ROBO2: variants seen among roughly 807,000 people sequenced by gnomAD.
ROBO2 encodes roundabout homolog 2.
ROBO2 carries 53 observed loss-of-function variants against 160.8 expected under a neutral mutation model. That is an observed-to-expected ratio of 0.33 (90% confidence interval 0.26 to 0.41). ROBO2 has a LOEUF of 0.41. Among genes scored for constraint, ROBO2 ranks in the 10% least tolerant of loss-of-function variants. ROBO2 has a pLI of 1.00. For missense variants in ROBO2, 1,577 were observed against 1,722.4 expected, an observed-to-expected ratio of 0.92 and a Z score of 1.49; for synonymous variants, 664 against 611.7, an observed-to-expected ratio of 1.09 and a Z score of -1.26.
At chr3:77,278,918 G>A (rs371216273) in intron 2 of ROBO2, among the ~76,000 whole-genome samples, 10 of 151,968 alleles carry the variant, frequency 6.6e-5, no homozygotes, top group African/African-American at 1.9e-4. Context: ...TGTTCTAATC[G>A]TAATCATGGT....
chr3:76,220,076 G>T (rs1373911195), intron 2 of ROBO2, among the ~76,000 whole-genome samples: 1 of 150,176 alleles, frequency 6.7e-6, no homozygotes, highest in African/African-American at 2.4e-5. Flanking sequence ...CTATGGCAAG[G>T]ACAAAAAACC....
intron 2 of ROBO2, among the ~76,000 whole-genome samples, chr3:77,429,668 G>T (rs1337845785): frequency 6.6e-6 from 1 of 150,994 alleles, no homozygotes; most frequent in Non-Finnish European, 1.5e-5. Flanking sequence ...ATACTGAAAA[G>T]GAAATTCATG....
At chr3:76,959,669 T>A (rs1414838402) in intron 2 of ROBO2, among the ~76,000 whole-genome samples, 2 of 152,156 alleles carry the variant, frequency 1.3e-5, no homozygotes, top group Non-Finnish European at 1.5e-5. Context: ...GAACTTACAC[T>A]TTTTTATGTA....
At chr3:77,435,937 G>A (rs1014934920) in intron 2 of ROBO2, among the ~76,000 whole-genome samples, 1 of 150,780 alleles carries the variant, frequency 6.6e-6, no homozygotes, top group African/African-American at 2.4e-5. Flanking sequence ...GGTCCTGGGA[G>A]TCTCTGAAGA....
At chr3:76,085,606 C>G (rs2068985867) in intron 2 of ROBO2, among the ~76,000 whole-genome samples, 1 of 152,116 alleles carries the variant, frequency 6.6e-6, no homozygotes. Context: ...CTTTTTAGAT[C>G]CATCTAGAGG....
At chr3:77,320,392 G>A (rs910991449) in intron 2 of ROBO2, among the ~76,000 whole-genome samples, 1 of 152,110 alleles carries the variant, frequency 6.6e-6, no homozygotes, top group African/African-American at 2.4e-5. Flanking sequence ...GACAGTGATT[G>A]TGACAGATGG....
chr3:77,508,809 T>C (rs1345206626), intron 5 of ROBO2, among the ~76,000 whole-genome samples: 1 of 151,840 alleles, frequency 6.6e-6, no homozygotes, highest in Non-Finnish European at 1.5e-5. Context: ...ATCTTAAAAT[T>C]TTTTTAAAAA....
chr3:77,473,869 A>T (rs1325162751), intron 2 of ROBO2, among the ~76,000 whole-genome samples: 1 of 152,170 alleles, frequency 6.6e-6, no homozygotes, highest in Non-Finnish European at 1.5e-5. Context: ...CTCCTATAGC[A>T]GCACTTGGAC....
intron 2 of ROBO2, among the ~76,000 whole-genome samples, chr3:76,544,296 T>C (rs1343307198): frequency 1.3e-5 from 2 of 152,068 alleles, no homozygotes; most frequent in Admixed American, 1.3e-4. Flanking sequence ...ATGTCTATGA[T>C]CTTTAAAGGT....
chr3:76,337,528 T>C (rs1242017363), intron 2 of ROBO2, among the ~76,000 whole-genome samples: 1 of 152,188 alleles, frequency 6.6e-6, no homozygotes, highest in Non-Finnish European at 1.5e-5. Context: ...GGATTGTATC[T>C]ATTTTGTAAA....
At chr3:77,327,346 C>T (rs1042162765) in intron 2 of ROBO2, among the ~76,000 whole-genome samples, 3 of 152,022 alleles carry the variant, frequency 2.0e-5, no homozygotes, top group Admixed American at 2.0e-4. Flanking sequence ...TTTCGAGGGT[C>T]GGAGAAACTG....
chr3:76,554,947 T>A (rs1000404545), intron 2 of ROBO2, among the ~76,000 whole-genome samples: 1 of 151,976 alleles, frequency 6.6e-6, no homozygotes. Context: ...TGGTGAACTG[T>A]GAATTTGATG....
chr3:76,704,839 A>T (rs77238232), intron 2 of ROBO2, among the ~76,000 whole-genome samples: 1 of 151,968 alleles, frequency 6.6e-6, no homozygotes, highest in Non-Finnish European at 1.5e-5. Context: ...GTTCAGCACT[A>T]CCCTCCTATC....
intron 2 of ROBO2, among the ~76,000 whole-genome samples, chr3:76,790,191 C>A (rs2063264780): frequency 6.6e-6 from 1 of 151,530 alleles, no homozygotes; most frequent in Non-Finnish European, 1.5e-5. Flanking sequence ...TTGAATGTGG[C>A]TCCTAAAGGT....
At chr3:76,402,969 A>G (rs751511927) in intron 2 of ROBO2, among the ~76,000 whole-genome samples, 1 of 151,646 alleles carries the variant, frequency 6.6e-6, no homozygotes, top group Non-Finnish European at 1.5e-5. Context: ...TTCTGACAGA[A>G]TCTGACAGTT....
chr3:76,073,078 A>T (rs925998282), intron 2 of ROBO2, among the ~76,000 whole-genome samples: 1 of 151,990 alleles, frequency 6.6e-6, no homozygotes, highest in African/African-American at 2.4e-5. Context: ...AAATGTTGGA[A>T]TGAAGGTGAG....
intron 25 of ROBO2, among the ~76,000 whole-genome samples, chr3:77,645,241 C>T (rs1228579494): frequency 6.6e-6 from 1 of 152,138 alleles, no homozygotes; most frequent in Non-Finnish European, 1.5e-5. Flanking sequence ...AATGGAGACA[C>T]TGGCCTTTTG....
At chr3:76,229,604 T>A (rs757084608) in intron 2 of ROBO2, among the ~76,000 whole-genome samples, 5 of 152,160 alleles carry the variant, frequency 3.3e-5, no homozygotes, top group Non-Finnish European at 7.3e-5. Context: ...CATATAATGA[T>A]GTATCTCATA....
chr3:76,445,262 A>C (rs1272121441), intron 2 of ROBO2, among the ~76,000 whole-genome samples: 1 of 152,194 alleles, frequency 6.6e-6, no homozygotes, highest in Non-Finnish European at 1.5e-5. Context: ...TCAAATAGAA[A>C]AAAACTCCAA....
Sources: allele counts gnomAD v4.1 joint callset (sites outside exome capture counted in the v4.1 genomes callset), GRCh38; gene constraint gnomAD v4.1.1; transcripts MANE v1.5; gene names NCBI Gene and HGNC (gene_info 2026-07-23, HGNC 2026-07-21).